The following PAGE2B variants were observed in gnomAD, a reference collection of about 807,000 sequenced individuals.
PAGE2B encodes the protein putative G antigen family E member 3.
Under a neutral mutation model 7.6 loss-of-function variants are expected in PAGE2B, and 5 were observed. The observed-to-expected ratio is 0.66, with a 90% CI of 0.34 to 1.38. The LOEUF is 1.38. Among genes scored for constraint, PAGE2B ranks in the 40% most tolerant of loss-of-function variants. The pLI is 0.04. For missense variants in PAGE2B, 70 were observed against 78.4 expected (o/e 0.89, Z 0.41); for synonymous variants, 29 against 26.7 (o/e 1.09, Z -0.27).
chrX:55,075,964 G>T, intron 1 of PAGE2B, 70 bp from the exon 2 acceptor site: 8 of 973,214 alleles, frequency 8.2e-6, no homozygotes, highest in Non-Finnish European at 1.1e-5. Context: ...TCACCATTTT[G>T]CCATGGAATG....
chrX:55,051,232 G>T, the PAGE2B span, among the ~76,000 whole-genome samples: 1 of 111,209 alleles, frequency 9.0e-6, no homozygotes, highest in Non-Finnish European at 1.9e-5. Context: ...CTCTCTGGCT[G>T]CCCTTAACAT....
chrX:55,042,436 C>T, the PAGE2B span, among the ~76,000 whole-genome samples: 358 of 108,783 alleles, frequency 3.3e-3, 3 homozygotes, highest in African/African-American at 0.012. Flanking sequence ...GGGCGGATCA[C>T]GAGGTCAGGA....
chrX:55,074,514 C>T (rs1464733850), upstream of PAGE2B, among the ~76,000 whole-genome samples: 1 of 111,762 alleles, frequency 8.9e-6, no homozygotes, highest in Non-Finnish European at 1.9e-5. Context: ...GTGGGTGCAA[C>T]AGGGATTCAA....
At chrX:55,063,770 G>A in the PAGE2B span, among the ~76,000 whole-genome samples, 2 of 111,437 alleles carry the variant, frequency 1.8e-5, no homozygotes, top group Non-Finnish European at 3.8e-5. Flanking sequence ...ATGAAGGGAT[G>A]TTGAATTTTA....
intron 3 of PAGE2B, among the ~76,000 whole-genome samples, 189 bp downstream of exon 3, chrX:55,076,866 G>A (rs1405659990): frequency 3.6e-5 from 4 of 111,643 alleles, no homozygotes; most frequent in Middle Eastern, 4.2e-3. Flanking sequence ...CCACTTTGAC[G>A]GAGGCTTTTT....
chrX:55,043,570 CAT>C, the PAGE2B span, among the ~76,000 whole-genome samples: 7 of 111,259 alleles, frequency 6.3e-5, no homozygotes, highest in Non-Finnish European at 1.1e-4. Flanking sequence ...GGCCAACAAA[CAT>C]ATGAAGAAAT....
intron 2 of PAGE2B, among the ~76,000 whole-genome samples, chrX:55,076,363 T>C (rs1936515093): frequency 9.4e-6 from 1 of 106,227 alleles, no homozygotes; most frequent in Non-Finnish European, 1.9e-5. Context: ...TATATGTATA[T>C]ATGTATATAT....
chrX:55,049,017 G>T, the PAGE2B span, among the ~76,000 whole-genome samples: 5 of 111,265 alleles, frequency 4.5e-5, no homozygotes, highest in East Asian at 5.6e-4. Context: ...TAGCATGAAG[G>T]GTTGTTGAAT....
chrX:55,076,050 G>A lies in PAGE2B; in HGVS notation c.9G>A (p.Glu3=). 1 of 1,206,258 alleles carries A rather than the reference G, an allele frequency of 8.3e-7. No homozygotes were observed. Residue 3 remains glutamate, a synonymous_variant, in exon 2 of 5, where the codon GAG becomes GAA. Transcript: ENST00000374971. The part of the protein sequence containing the change: MS[E]HVRTRSQSSE... ...TATTTTCAGTGGGAAATATGAGTGAGCATGTGAGAACAAGATCCCAATCCT... is the reference window on the plus strand; with the variant it reads ...TATTTTCAGTGGGAAATATGAGTGAACATGTGAGAACAAGATCCCAATCCT...
the PAGE2B span, among the ~76,000 whole-genome samples, chrX:55,066,469 G>T: frequency 8.9e-6 from 1 of 112,223 alleles, no homozygotes; most frequent in African/African-American, 3.2e-5. Context: ...TGTAGGACAT[G>T]TCTGGAGTTG....
the PAGE2B span, among the ~76,000 whole-genome samples, chrX:55,040,710 AAAAAGTTCTAGAGATAGATGATTATGAT>A: frequency 9.8e-5 from 11 of 111,696 alleles, no homozygotes; most frequent in Non-Finnish European, 1.9e-4. Context: ...TGGGAAGATG[AAAAAGTTCTAGAGATAGATGATTATGAT>A]AGTTGTACAA....
chrX:55,040,978 G>A, the PAGE2B span, among the ~76,000 whole-genome samples: 2 of 110,220 alleles, frequency 1.8e-5, no homozygotes. Flanking sequence ...ATTGTGAAAT[G>A]GTATTTAATG....
the PAGE2B span, among the ~76,000 whole-genome samples, chrX:55,042,596 G>C: frequency 2.1e-4 from 17 of 81,731 alleles, no homozygotes; most frequent in Admixed American, 2.7e-3. Flanking sequence ...GGAGCTTGCA[G>C]TGAGCCGAGA....
chrX:55,050,614 G>C, the PAGE2B span, among the ~76,000 whole-genome samples: 2 of 110,781 alleles, frequency 1.8e-5, no homozygotes, highest in Admixed American at 1.9e-4. Flanking sequence ...TGTTTTATCA[G>C]AGACTAGGAT....
chrX:55,034,785 CAT>C, the PAGE2B span, among the ~76,000 whole-genome samples: 1 of 107,722 alleles, frequency 9.3e-6, no homozygotes. Flanking sequence ...CATATACATA[CAT>C]ATATATATTT....
At position 55,076,131 on chromosome X, in the gene PAGE2B, T is replaced by A. The variant is rs772224422; in HGVS notation, c.84+6T>A. 7 of 1,198,357 alleles carry A rather than the reference T, an allele frequency of 5.8e-6. No individual in the cohort carries two copies. In the South Asian group the frequency reaches 1.3e-4, roughly 22 times the overall value. On this transcript the variant is annotated splice_donor_region_variant and intron_variant, in intron 2 of 4. Coordinates refer to ENST00000374971, the MANE Select transcript of PAGE2B (RefSeq NM_001015038.3). ...AGCCAGTTGGATCTGTGATTGTGAG[T>A]CCTTTAACATTTGATGTTTCCTATT...
At chrX:55,067,609 G>A in the PAGE2B span, among the ~76,000 whole-genome samples, 1 of 111,609 alleles carries the variant, frequency 9.0e-6, no homozygotes, top group Non-Finnish European at 1.9e-5. Context: ...TCTAGCTCTA[G>A]AACCTTGAGG....
chrX:55,059,932 G>T, the PAGE2B span, among the ~76,000 whole-genome samples: 7 of 111,199 alleles, frequency 6.3e-5, no homozygotes, highest in Admixed American at 3.9e-4. Context: ...TATGTGGATT[G>T]TTGCAAATGA....
At position 55,075,663 on chromosome X, in the gene PAGE2B, A is replaced by G. The variant is rs188899852; in HGVS notation, c.-8-371A>G. Among the ~76,000 whole-genome samples the G allele has an allele frequency of 1.1e-4, 12 of 111,521 alleles. No homozygotes were observed. In the East Asian group the frequency reaches 2.0e-3, roughly 19 times the overall value. ...TTCCAACAAGACTTGATTTTGAGAG[A>G]GGTGTGGGGGTGAAATGGGCCTAGC... On this transcript the variant is annotated intron_variant, in intron 1 of 4. Transcript: ENST00000374971.
Sources: allele counts gnomAD v4.1 joint callset (sites outside exome capture counted in the v4.1 genomes callset), GRCh38; gene constraint gnomAD v4.1.1; transcripts MANE v1.5; gene names NCBI Gene and HGNC (gene_info 2026-07-23, HGNC 2026-07-21).